Variants in CORIN observed in about 807,000 individuals in gnomAD.
CORIN encodes atrial natriuretic peptide-converting enzyme.
CORIN carries 117 observed loss-of-function variants against 125.3 expected under a neutral mutation model. That is an observed-to-expected ratio of 0.93 (90% CI 0.80 to 1.09). The LOEUF (loss-of-function observed/expected upper bound fraction) is 1.09. CORIN is among the 50% of genes least tolerant of loss of function. CORIN has a pLI of 0.00. For synonymous variants in CORIN, 450 were observed against 466.4 expected (o/e 0.96, Z 0.45); for missense variants, 1,253 against 1,306.7 (o/e 0.96, Z 0.63).
intron 17 of CORIN, 88 bp from the exon 18 acceptor site, chr4:47,624,036 T>C: frequency 9.3e-7 from 1 of 1,074,052 alleles, no homozygotes; most frequent in Non-Finnish European, 1.4e-6. Flanking sequence ...ACAAGACAGC[T>C]CCAACTGTTA....
At chr4:47,697,452 G>A (rs1726071904) in intron 5 of CORIN, among the ~76,000 whole-genome samples, 2 of 152,156 alleles carry the variant, frequency 1.3e-5, no homozygotes, top group African/African-American at 4.8e-5. Context: ...AGTGCCGCAT[G>A]CCTGTAATCC....
intron 13 of CORIN, among the ~76,000 whole-genome samples, chr4:47,649,639 A>C (rs1723654717): frequency 6.6e-6 from 1 of 152,230 alleles, no homozygotes; most frequent in South Asian, 2.1e-4. Flanking sequence ...CACAGCCTCT[A>C]AGGCTAAGTA....
chr4:47,660,505 A>C (rs1338025262), intron 12 of CORIN, among the ~76,000 whole-genome samples: 1 of 152,238 alleles, frequency 6.6e-6, no homozygotes, highest in African/African-American at 2.4e-5. Flanking sequence ...CTGATTTAAA[A>C]ATGGACAAAA....
At chr4:47,814,783 A>G (rs557064646) in intron 1 of CORIN, among the ~76,000 whole-genome samples, 1 of 152,284 alleles carries the variant, frequency 6.6e-6, no homozygotes, top group South Asian at 2.1e-4. Flanking sequence ...TAAATAACTC[A>G]TGCAGTCTCT....
intron 9 of CORIN, among the ~76,000 whole-genome samples, chr4:47,676,877 G>A (rs754197911): frequency 2.0e-5 from 3 of 152,074 alleles, no homozygotes; most frequent in Non-Finnish European, 2.9e-5. Context: ...AATAAATTAC[G>A]TTTAATAAAG....
chr4:47,816,121 A>C (rs1732257073), intron 1 of CORIN, among the ~76,000 whole-genome samples: 1 of 152,218 alleles, frequency 6.6e-6, no homozygotes, highest in Non-Finnish European at 1.5e-5. Context: ...ACAACAATTC[A>C]TTTCAGGCAT....
chr4:47,795,765 A>G (rs956404417), intron 2 of CORIN, among the ~76,000 whole-genome samples: 3 of 152,128 alleles, frequency 2.0e-5, no homozygotes, highest in Non-Finnish European at 4.4e-5. Flanking sequence ...ATAGCAAAAA[A>G]AAAGGTAACC....
chr4:47,757,888 A>G (rs923944689), intron 4 of CORIN, among the ~76,000 whole-genome samples: 1 of 143,528 alleles, frequency 7.0e-6, no homozygotes, highest in Non-Finnish European at 1.5e-5. Flanking sequence ...GTATATATAT[A>G]TATATATATA....
chr4:47,756,740 A>G (rs1167025653), intron 4 of CORIN, among the ~76,000 whole-genome samples: 1 of 152,238 alleles, frequency 6.6e-6, no homozygotes, highest in Non-Finnish European at 1.5e-5. Context: ...AATAACCAAC[A>G]CATCAAATTC....
intron 3 of CORIN, among the ~76,000 whole-genome samples, chr4:47,775,823 C>T (rs905901388): frequency 6.6e-6 from 1 of 152,188 alleles, no homozygotes; most frequent in African/African-American, 2.4e-5. Context: ...CTAGAATAAG[C>T]TAGAGAAACT....
chr4:47,701,959 T>TA (rs1726312757), intron 5 of CORIN, among the ~76,000 whole-genome samples: 1 of 152,130 alleles, frequency 6.6e-6, no homozygotes, highest in African/African-American at 2.4e-5. Flanking sequence ...TTCAAATTTC[T>TA]AAAAAACATG....
intron 16 of CORIN, among the ~76,000 whole-genome samples, chr4:47,632,778 T>C (rs1722887213): frequency 1.7e-5 from 2 of 117,716 alleles, no homozygotes; most frequent in African/African-American, 6.2e-5. Flanking sequence ...GATAGATAGT[T>C]AGATAGATTT....
At chr4:47,727,597 T>A (rs1165223102) in intron 5 of CORIN, among the ~76,000 whole-genome samples, 1 of 152,058 alleles carries the variant, frequency 6.6e-6, no homozygotes, top group African/African-American at 2.4e-5. Context: ...GGTAGGGGGA[T>A]AAAAATAATC....
At chr4:47,706,709 C>CT (rs1467590165) in intron 5 of CORIN, 1 of 1,606,406 alleles carries the variant, frequency 6.2e-7, no homozygotes, top group Non-Finnish European at 8.5e-7. Flanking sequence ...CTGTGGGGCT[C>CT]TGGGAGTCCT....
chr4:47,822,879 G>A (rs1363459392), intron 1 of CORIN, among the ~76,000 whole-genome samples: 8 of 151,096 alleles, frequency 5.3e-5, no homozygotes, highest in African/African-American at 1.7e-4. Flanking sequence ...GCAGTGGTGC[G>A]ATATCGGCTC....
chr4:47,753,508 TCAGA>T (rs773292043), intron 4 of CORIN, among the ~76,000 whole-genome samples: 47 of 152,066 alleles, frequency 3.1e-4, no homozygotes, highest in Admixed American at 9.2e-4. Flanking sequence ...CTCAACCGCA[TCAGA>T]CAGACAACCC....
chr4:47,765,211 T>C (rs1016859996), intron 3 of CORIN, among the ~76,000 whole-genome samples: 12 of 151,254 alleles, frequency 7.9e-5, no homozygotes, highest in African/African-American at 2.9e-4. Flanking sequence ...GGCGGGAGGC[T>C]GAGGCAGGAG....
chr4:47,616,926 T>C (rs1206912004), intron 19 of CORIN, among the ~76,000 whole-genome samples: 1 of 152,186 alleles, frequency 6.6e-6, no homozygotes, highest in Non-Finnish European at 1.5e-5. Context: ...AGTAAAGTCT[T>C]TGAAAAGATG....
intron 10 of CORIN, among the ~76,000 whole-genome samples, chr4:47,668,316 C>A (rs1055512065): frequency 6.6e-6 from 1 of 152,250 alleles, no homozygotes; most frequent in African/African-American, 2.4e-5. Flanking sequence ...CTTTCTGTTA[C>A]CTTCCCTGCA....
Sources: allele counts gnomAD v4.1 joint callset (sites outside exome capture counted in the v4.1 genomes callset), GRCh38; gene constraint gnomAD v4.1.1; transcripts MANE v1.5; gene names NCBI Gene and HGNC (gene_info 2026-07-23, HGNC 2026-07-21).